ESR1: variants seen among roughly 807,000 people sequenced by gnomAD.
ESR1 encodes the protein estrogen receptor 1.
A neutral mutation model predicts 52.7 loss-of-function variants in ESR1; 12 were observed. The observed-to-expected ratio is 0.23, with a 90% CI of 0.15 to 0.37. The LOEUF (loss-of-function observed/expected upper bound fraction) is 0.37, where lower values mean the gene tolerates loss of function less well. Ranked by LOEUF, ESR1 falls within the 10% of genes least tolerant of loss-of-function variation. The pLI is 1.00. For missense variants in ESR1, 584 were observed against 779.7 expected (o/e 0.75, Z 2.99); for synonymous variants, 305 against 316.8 (o/e 0.96, Z 0.39).
At chr6:151,973,381 G>A (rs538054871) in intron 4 of ESR1, among the ~76,000 whole-genome samples, 34 of 152,178 alleles carry the variant, frequency 2.2e-4, no homozygotes, top group African/African-American at 7.2e-4. Context: ...TTGCACACAA[G>A]CTAAAGAATA....
chr6:151,874,383 A>T (rs1387901108), intron 2 of ESR1, among the ~76,000 whole-genome samples: 1 of 152,148 alleles, frequency 6.6e-6, no homozygotes, highest in African/African-American at 2.4e-5. Context: ...AAATCCCTAG[A>T]TGTGTTGTAG....
intron 2 of ESR1, among the ~76,000 whole-genome samples, chr6:151,876,893 G>T (rs989381023): frequency 2.0e-5 from 3 of 151,826 alleles, no homozygotes; most frequent in Non-Finnish European, 4.4e-5. Context: ...CTATGGGCTT[G>T]GTTCATCCGG....
At chr6:151,722,517 G>T (rs965844796) in intron 2 of ESR1, among the ~76,000 whole-genome samples, 2 of 152,176 alleles carry the variant, frequency 1.3e-5, no homozygotes, top group African/African-American at 2.4e-5. Flanking sequence ...TGGTGCTGTT[G>T]GCGTGAAAGA....
rs1410480076 is a variant in ESR1 at position 151,921,624 on chromosome 6, C to G, written c.761-22549C>G. On this transcript the variant is annotated intron_variant, in intron 3 of 7. Coordinates refer to ENST00000206249, the MANE Select transcript of ESR1 (RefSeq NM_000125.4). The stretch of plus-strand genomic sequence containing the variant: ...TGTTGTTTCTTGGCTTTTTAATGAT[C>G]ACCATTCTGACTGGTGTGAGATGGT... Among the ~76,000 whole-genome samples, 8 of 152,240 alleles carry G rather than the reference C, an allele frequency of 5.3e-5. No individual in the cohort carries two copies. The South Asian group carries it at 1.7e-3, about 31-fold the overall frequency.
At chr6:151,795,139 C>A (rs1044375878) in intron 2 of ESR1, among the ~76,000 whole-genome samples, 1 of 152,040 alleles carries the variant, frequency 6.6e-6, no homozygotes, top group Non-Finnish European at 1.5e-5. Context: ...AGCTTAAAGA[C>A]CTTGATTTGT....
intron 2 of ESR1, among the ~76,000 whole-genome samples, chr6:151,863,097 C>A (rs1789188912): frequency 6.6e-6 from 1 of 152,094 alleles, no homozygotes; most frequent in Admixed American, 6.6e-5. Context: ...CGTGGTGCCT[C>A]CAGCTTTGTT....
At chr6:152,081,095 G>T (rs981697907) in intron 6 of ESR1, among the ~76,000 whole-genome samples, 1 of 152,094 alleles carries the variant, frequency 6.6e-6, no homozygotes, top group Non-Finnish European at 1.5e-5. Context: ...GGATATCCAG[G>T]ACTTGAACTC....
At chr6:151,853,146 T>A in intron 2 of ESR1, among the ~76,000 whole-genome samples, 1 of 109,818 alleles carries the variant, frequency 9.1e-6, no homozygotes, top group South Asian at 3.2e-4. Context: ...CACTCCAGCC[T>A]GGCGACAGAG....
intron 2 of ESR1, among the ~76,000 whole-genome samples, chr6:151,854,426 T>G (rs1325489057): frequency 4.6e-5 from 7 of 152,210 alleles, no homozygotes; most frequent in Non-Finnish European, 8.8e-5. Flanking sequence ...ATTTCCATTT[T>G]CCTTTAGCGG....
At chr6:151,793,840 G>C (rs1332110760) in intron 2 of ESR1, among the ~76,000 whole-genome samples, 1 of 152,198 alleles carries the variant, frequency 6.6e-6, no homozygotes, top group Admixed American at 6.5e-5. Flanking sequence ...GTAATTCAAA[G>C]TGACATATCC....
In ESR1 at chr6:151,808,149, C is replaced by T. The variant is rs1461249149; in HGVS notation, c.237C>T (p.Pro79=). 1.2e-6 allele frequency: 2 copies of T among 1,600,232 alleles called. No individual in the cohort carries two copies. The highest frequency in any genetic ancestry group is 1.1e-5 in the South Asian group (1 of 89,010). ...NAQVYGQTGL[P]YGPGSEAAAF... is the part of the protein sequence containing the mutation. Reference sequence around the variant, plus strand: ...AGGTCTACGGTCAGACCGGCCTCCCCTACGGCCCCGGGTCTGAGGCTGCGG... The same window carrying T: ...AGGTCTACGGTCAGACCGGCCTCCCTTACGGCCCCGGGTCTGAGGCTGCGG... The change falls in exon 1 of 8, where the codon CCC becomes CCT. Residue 79 remains proline, a synonymous_variant. Coordinates refer to ENST00000206249, the MANE Select transcript of ESR1 (RefSeq NM_000125.4).
chr6:151,957,845 C>G (rs949518587), intron 4 of ESR1, among the ~76,000 whole-genome samples: 10 of 152,302 alleles, frequency 6.6e-5, no homozygotes, highest in Middle Eastern at 3.4e-3. Context: ...TTTTTTCTCT[C>G]ACATAAAATT....
rs752794477 is a variant in ESR1, at chr6:151,808,004, T to C, written c.92T>C (p.Leu31Pro). Residue 31 changes from leucine to proline, a missense_variant, in exon 1 of 8, where the codon CTC becomes CCC. Leu to Pro is a moderately conservative substitution (Grantham distance 98, BLOSUM62 -3). Transcript: ENST00000206249. Reference protein sequence around the residue: ...NELEPLNRPQLKIPLERPLGE... With the variant: ...NELEPLNRPQPKIPLERPLGE... Reference sequence around the variant, plus strand: ...CTGGAGCCCCTGAACCGTCCGCAGCTCAAGATCCCCCTGGAGCGGCCCCTG... The same window carrying C: ...CTGGAGCCCCTGAACCGTCCGCAGCCCAAGATCCCCCTGGAGCGGCCCCTG... The C allele has an allele frequency of 4.3e-6, 7 of 1,613,706 alleles. No homozygotes were observed. In the South Asian group the frequency reaches 7.7e-5, roughly 18 times the overall value.
chr6:151,836,990 A>G (rs1783440408), intron 1 of ESR1, among the ~76,000 whole-genome samples: 1 of 152,182 alleles, frequency 6.6e-6, no homozygotes, highest in African/African-American at 2.4e-5. Flanking sequence ...GTATTTGATT[A>G]CATTGAGCTT....
chr6:151,733,727 G>T (rs993780568), intron 2 of ESR1, among the ~76,000 whole-genome samples: 12 of 152,072 alleles, frequency 7.9e-5, no homozygotes, highest in African/African-American at 2.9e-4. Flanking sequence ...AAGAAAAAAA[G>T]AAACAAATAG....
intron 2 of ESR1, among the ~76,000 whole-genome samples, chr6:151,715,340 C>G (rs1780945902): frequency 6.6e-6 from 1 of 152,122 alleles, no homozygotes; most frequent in Non-Finnish European, 1.5e-5. Flanking sequence ...TCGAGAGTAT[C>G]TTTGTGATGT....
chr6:151,982,796 A>G (rs1193272323), intron 4 of ESR1, among the ~76,000 whole-genome samples: 2 of 152,138 alleles, frequency 1.3e-5, no homozygotes, highest in Non-Finnish European at 2.9e-5. Context: ...TCAATAGAAT[A>G]TATTATTAGT....
chr6:151,774,750 T>C (rs898789617), intron 2 of ESR1, among the ~76,000 whole-genome samples: 3 of 152,220 alleles, frequency 2.0e-5, no homozygotes, highest in Non-Finnish European at 4.4e-5. Context: ...TAGATCTTTA[T>C]TGGTATATCA....
chr6:151,737,998 T>G (rs557932330), intron 2 of ESR1, among the ~76,000 whole-genome samples: 16 of 152,322 alleles, frequency 1.1e-4, no homozygotes, highest in East Asian at 1.9e-4. Context: ...GTTTTAATGT[T>G]TTGTTATTGA....
Sources: gnomAD v4.1 joint callset for allele counts (sites outside exome capture counted in the v4.1 genomes callset) on GRCh38, gnomAD v4.1.1 for gene constraint, MANE v1.5 for transcripts, NCBI Gene and HGNC (gene_info 2026-07-23, HGNC 2026-07-21) for gene names.